The following CSMD1 variants were observed in gnomAD, a reference collection of about 807,000 sequenced individuals.
CSMD1 encodes CUB and Sushi multiple domains 1, also known as CUB and sushi domain-containing protein 1.
CSMD1 carries 213 observed loss-of-function variants against 417.5 expected under a neutral mutation model. The ratio of observed to expected loss-of-function variants is 0.51; its 90% CI spans 0.46 to 0.57. CSMD1 has a LOEUF of 0.57. Ranked by LOEUF, CSMD1 falls within the 20% of genes least tolerant of loss-of-function variation. CSMD1 has a pLI of 0.00. For synonymous variants in CSMD1, 2,862 were observed against 1,736.8 expected (o/e 1.65, Z -16.11); for missense variants, 6,923 against 4,529.7 (o/e 1.53, Z -15.17).
At chr8:3,879,912 G>T (rs572643891) in intron 5 of CSMD1, among the ~76,000 whole-genome samples, 1 of 151,986 alleles carries the variant, frequency 6.6e-6, no homozygotes, top group Non-Finnish European at 1.5e-5. Flanking sequence ...CCCCTATAAC[G>T]AAATAGTGCT....
At chr8:3,814,633 A>G (rs1173702967) in intron 5 of CSMD1, among the ~76,000 whole-genome samples, 1 of 152,190 alleles carries the variant, frequency 6.6e-6, no homozygotes, top group Non-Finnish European at 1.5e-5. Context: ...ACGGCCTCCC[A>G]AACAAAGAGC....
chr8:4,422,023 A>G (rs1050883508), intron 2 of CSMD1, among the ~76,000 whole-genome samples: 2 of 152,140 alleles, frequency 1.3e-5, no homozygotes, highest in Admixed American at 1.3e-4. Context: ...CAGAAACTAC[A>G]TATGTAAAAT....
At chr8:4,521,899 T>A (rs1460696873) in intron 2 of CSMD1, among the ~76,000 whole-genome samples, 2 of 152,242 alleles carry the variant, frequency 1.3e-5, no homozygotes, top group African/African-American at 2.4e-5. Flanking sequence ...TTGCACGCCA[T>A]GGCAGGCACA....
chr8:4,950,086 A>T (rs1439830482), intron 1 of CSMD1, among the ~76,000 whole-genome samples: 4 of 147,524 alleles, frequency 2.7e-5, no homozygotes, highest in African/African-American at 9.9e-5. Flanking sequence ...TTTCTCTATA[A>T]ATATTTATAA....
chr8:4,193,105 T>C (rs1799124690), intron 3 of CSMD1, among the ~76,000 whole-genome samples: 1 of 152,242 alleles, frequency 6.6e-6, no homozygotes, highest in Admixed American at 6.5e-5. Flanking sequence ...GCCTTAAATT[T>C]ACTTTGAATT....
intron 3 of CSMD1, among the ~76,000 whole-genome samples, chr8:4,412,399 G>T (rs1031241025): frequency 6.6e-6 from 1 of 152,146 alleles, no homozygotes; most frequent in Non-Finnish European, 1.5e-5. Flanking sequence ...CATGTGTTGC[G>T]CTGGCTCCTC....
At chr8:3,962,905 C>T (rs1228699520) in intron 5 of CSMD1, among the ~76,000 whole-genome samples, 3 of 152,082 alleles carry the variant, frequency 2.0e-5, no homozygotes, top group African/African-American at 4.8e-5. Context: ...ATCATTATGT[C>T]TATTTTTTCC....
At chr8:4,130,927 G>T (rs1180651038) in intron 3 of CSMD1, among the ~76,000 whole-genome samples, 3 of 151,920 alleles carry the variant, frequency 2.0e-5, no homozygotes, top group African/African-American at 7.2e-5. Flanking sequence ...AATTATTCAG[G>T]CTTTCTGAAT....
At chr8:4,822,204 T>C (rs912564694) in intron 1 of CSMD1, among the ~76,000 whole-genome samples, 3 of 152,110 alleles carry the variant, frequency 2.0e-5, no homozygotes, top group African/African-American at 7.2e-5. Flanking sequence ...TAAAATTGTG[T>C]GTGATTCGTG....
At chr8:3,584,071 AC>A (rs1800496709) in intron 9 of CSMD1, among the ~76,000 whole-genome samples, 2 of 152,108 alleles carry the variant, frequency 1.3e-5, no homozygotes, top group South Asian at 2.1e-4. Flanking sequence ...ATTATTTCAG[AC>A]AAAAAATTAA....
At chr8:3,665,995 A>T (rs1357271402) in intron 7 of CSMD1, among the ~76,000 whole-genome samples, 2 of 152,078 alleles carry the variant, frequency 1.3e-5, no homozygotes, top group East Asian at 3.9e-4. Context: ...TTCCTGCCTT[A>T]GCCTCCTCCT....
chr8:2,963,023 G>A (rs530196320), intron 60 of CSMD1, among the ~76,000 whole-genome samples, 199 bp downstream of exon 60: 1 of 152,288 alleles, frequency 6.6e-6, no homozygotes, highest in Admixed American at 6.5e-5. Context: ...ACTCCATCCT[G>A]GGCAACAGAG....
chr8:3,215,321 T>C (rs762182635), intron 29 of CSMD1, among the ~76,000 whole-genome samples: 6 of 152,244 alleles, frequency 3.9e-5, no homozygotes, highest in Non-Finnish European at 8.8e-5. Context: ...GACTGATAGA[T>C]GATGGTCAAA....
intron 1 of CSMD1, among the ~76,000 whole-genome samples, chr8:4,736,028 C>T (rs1014107676): frequency 6.6e-6 from 1 of 152,198 alleles, no homozygotes; most frequent in Non-Finnish European, 1.5e-5. Flanking sequence ...TGGAGACACT[C>T]AGGCTATTAT....
intron 5 of CSMD1, among the ~76,000 whole-genome samples, chr8:3,818,546 A>C (rs1801528063): frequency 6.6e-6 from 1 of 152,148 alleles, no homozygotes; most frequent in Admixed American, 6.5e-5. Context: ...CCAAGAAGAC[A>C]GGAGACTAGC....
At chr8:4,833,104 A>G (rs895870282) in intron 1 of CSMD1, among the ~76,000 whole-genome samples, 4 of 152,180 alleles carry the variant, frequency 2.6e-5, no homozygotes, top group Admixed American at 1.3e-4. Flanking sequence ...TCTGTATTTG[A>G]GTTTTCATTT....
chr8:4,426,088 GAA>G (rs61422771), intron 2 of CSMD1, among the ~76,000 whole-genome samples: 2 of 139,880 alleles, frequency 1.4e-5, no homozygotes, highest in African/African-American at 5.2e-5. Flanking sequence ...GAATTATTTT[GAA>G]AAAAAAAAAA....
chr8:4,601,272 G>A (rs1585313571), intron 2 of CSMD1, among the ~76,000 whole-genome samples: 2 of 152,248 alleles, frequency 1.3e-5, no homozygotes, highest in Admixed American at 1.3e-4. Context: ...TTTTTAAAAA[G>A]CATGAGAATA....
chr8:3,815,904 A>C (rs1045500995), intron 5 of CSMD1, among the ~76,000 whole-genome samples: 3 of 152,212 alleles, frequency 2.0e-5, no homozygotes, highest in Non-Finnish European at 4.4e-5. Flanking sequence ...CATCAAGAGT[A>C]AATAGAAAGA....
Sources: allele counts gnomAD v4.1 joint callset (sites outside exome capture counted in the v4.1 genomes callset), GRCh38; gene constraint gnomAD v4.1.1; transcripts MANE v1.5; gene names NCBI Gene and HGNC (gene_info 2026-07-23, HGNC 2026-07-21).